Variants in C3 observed in about 807,000 individuals in gnomAD.
C3 encodes the protein complement C3, also known as C3 and PZP-like alpha-2-macroglobulin domain-containing protein 1.
Under a neutral mutation model 207.9 loss-of-function variants are expected in C3, and 97 were observed. That is an observed-to-expected ratio of 0.47 (90% CI 0.40 to 0.55). The LOEUF (loss-of-function observed/expected upper bound fraction) is 0.55, where lower values mean the gene tolerates loss of function less well. Ranked by LOEUF, C3 falls within the 20% of genes least tolerant of loss-of-function variation. The pLI is 0.00. For missense variants in C3, 1,684 were observed against 2,171.7 expected, an observed-to-expected ratio of 0.78 and a Z score of 4.46; for synonymous variants, 848 against 857.6, an observed-to-expected ratio of 0.99 and a Z score of 0.20.
chr19:6,695,577 T>A (rs1029530903), intron 23 of C3, among the ~76,000 whole-genome samples: 31 of 152,148 alleles, frequency 2.0e-4, no homozygotes, highest in Admixed American at 1.3e-3. Flanking sequence ...CCTCCCACGT[T>A]CAATCGATTA....
intron 27 of C3, among the ~76,000 whole-genome samples, chr19:6,687,860 C>CTT (rs35034584): frequency 7.1e-6 from 1 of 140,266 alleles, no homozygotes; most frequent in African/African-American, 2.6e-5. Context: ...TTTGTTGTTG[C>CTT]TTTTTTTTTT....
chr19:6,698,850 A>G (rs1381192856), intron 19 of C3, among the ~76,000 whole-genome samples: 1 of 151,992 alleles, frequency 6.6e-6, no homozygotes, highest in African/African-American at 2.4e-5. Context: ...GCTGGAGTGC[A>G]GTGGCGTGAT....
chr19:6,691,405 C>T (rs1285370624), intron 26 of C3, among the ~76,000 whole-genome samples: 2 of 151,934 alleles, frequency 1.3e-5, no homozygotes, highest in African/African-American at 4.8e-5. Flanking sequence ...AAGAGGACAT[C>T]GCAGCGATAA....
chr19:6,700,175 T>C (rs1370203989), intron 19 of C3, among the ~76,000 whole-genome samples: 1 of 140,374 alleles, frequency 7.1e-6, no homozygotes, highest in Non-Finnish European at 1.5e-5. Context: ...ATACATATTA[T>C]ATGTTTACAT....
chr19:6,683,743 A>T (rs11569545), intron 33 of C3, among the ~76,000 whole-genome samples: 1 of 151,894 alleles, frequency 6.6e-6, no homozygotes, highest in Admixed American at 6.6e-5. Context: ...GAGCCGCCAC[A>T]CCCGGCCATT....
In C3 at chr19:6,714,249, C is replaced by A; in HGVS notation, c.600-1G>T. 2 of 1,613,864 alleles carry A rather than the reference C, an allele frequency of 1.2e-6. No individual in the cohort carries two copies. The highest frequency in any genetic ancestry group is 1.7e-6 in the Non-Finnish European group (2 of 1,179,946). Reference sequence around the variant, plus strand: ...GGCTCGGATCTTCCACTGGCCCATGCTGTGAGGAGGGCGGATGAGTGGTCT... The same window carrying A: ...GGCTCGGATCTTCCACTGGCCCATGATGTGAGGAGGGCGGATGAGTGGTCT... On this transcript the variant is annotated splice_acceptor_variant, in intron 5 of 40. Transcript: ENST00000245907. LOFTEE classifies it high-confidence loss of function.
intron 36 of C3, 76 bp from the exon 37 acceptor site, chr19:6,679,572 C>A: frequency 1.0e-6 from 1 of 988,440 alleles, no homozygotes. Context: ...GCCCAGATCC[C>A]CAGTTCTCAG....
At chr19:6,697,286 A>G in intron 21 of C3, 58 bp downstream of exon 21, 1 of 1,294,792 alleles carries the variant, frequency 7.7e-7, no homozygotes, top group East Asian at 2.3e-5. Flanking sequence ...AGTCAATAGT[A>G]CGAAGACCAG....
In C3 at chr19:6,679,224, G is replaced by C. The variant is rs1414347444; in HGVS notation, c.4547-16C>G. On this transcript the variant is annotated splice_polypyrimidine_tract_variant and intron_variant, in intron 37 of 40. Coordinates refer to ENST00000245907, the MANE Select transcript of C3 (RefSeq NM_000064.4). ...AAGCAATTCTCTGCAGGGTGGGGTG[G>C]AGACAGGGTCTAAGTCCCACTCCTT... 8 of 1,609,334 alleles carry C rather than the reference G, an allele frequency of 5.0e-6. No individual in the cohort carries two copies. The African/African-American group carries it at 8.0e-5, about 16-fold the overall frequency.
chr19:6,682,437 C>CTG, intron 33 of C3: 2 of 561,384 alleles, frequency 3.6e-6, no homozygotes, highest in Non-Finnish European at 6.5e-6. Flanking sequence ...AGCTCAGACT[C>CTG]TGCACCCAAC....
At chr19:6,713,904 C>T in intron 7 of C3, 88 bp downstream of exon 7, 1 of 636,930 alleles carries the variant, frequency 1.6e-6, no homozygotes, top group Admixed American at 2.1e-5. Flanking sequence ...ATCTCCAGCC[C>T]CCCACCTGAC....
Position 6,678,275 on chromosome 19 carries a change from A to G in C3, c.4727T>C (p.Val1576Ala). 1.2e-6 allele frequency: 2 copies of G among 1,614,090 alleles called. No individual in the cohort carries two copies. Among genetic ancestry groups the G allele is most frequent in the Non-Finnish European group, 1.7e-6 (2 of 1,180,022 alleles). The change falls in exon 40 of 41, where the codon GTG becomes GCG. Residue 1576 changes from valine to alanine, a missense_variant. Physicochemically the swap from Val to Ala is moderately conservative, Grantham distance 64. Coordinates refer to ENST00000245907, the MANE Select transcript of C3 (RefSeq NM_000064.4). ...GAACGTGCGCTGCTGTCCAACCTGC[A>G]CCTCATCCGAGCCTGGAGTGGAGGG... Reference protein sequence around the residue: ...EQTIKSGSDEVQVGQQRTFIS... With the variant: ...EQTIKSGSDEAQVGQQRTFIS...
chr19:6,709,619 A>ACCC, intron 14 of C3, 65 bp downstream of exon 14: 1 of 432,318 alleles, frequency 2.3e-6, no homozygotes, highest in Non-Finnish European at 4.0e-6. Context: ...AGTCCCACCC[A>ACCC]CCTCCCCCAG....
chr19:6,716,869 C>T (rs1303900233), intron 4 of C3: 1 of 152,158 alleles, frequency 6.6e-6, no homozygotes, highest in East Asian at 1.9e-4. Flanking sequence ...TCAGAGAGAC[C>T]TCATTGTAAA....
In C3 at chr19:6,711,057, G is replaced by T; in HGVS notation, c.1409C>A (p.Thr470Asn). 2 of 1,614,176 alleles carry T rather than the reference G, an allele frequency of 1.2e-6. No individual in the cohort carries two copies. Among genetic ancestry groups the T allele is most frequent in the Non-Finnish European group, 1.7e-6 (2 of 1,180,030 alleles). The change falls in exon 12 of 41, where the codon ACC (threonine) becomes AAC (asparagine). Residue 470 changes from threonine (T) to asparagine (N), a missense_variant. By Grantham distance (65) the Thr-to-Asn change is moderately conservative. Coordinates refer to ENST00000245907, the MANE Select transcript of C3 (RefSeq NM_000064.4). ...VLRTELRPGETLNVNFLLRMD... is the reference protein window; with the variant it reads ...VLRTELRPGENLNVNFLLRMD... Reference sequence around the variant, plus strand: ...TCGCAGGAGGAAGTTGACGTTGAGGGTCTCCCCGGGTCTGAGCTCTGTACG... The same window carrying T: ...TCGCAGGAGGAAGTTGACGTTGAGGTTCTCCCCGGGTCTGAGCTCTGTACG...
Position 6,714,352 on chromosome 19 carries a change from T to A in C3, c.599A>T (p.Asn200Ile). The A allele has an allele frequency of 6.2e-7, 1 of 1,613,564 alleles. No homozygotes were observed. Among genetic ancestry groups the A allele is most frequent in the Non-Finnish European group, 8.5e-7 (1 of 1,179,760 alleles). Reference protein sequence around the residue: ...PLSWDIPELVNMGQWKIRAYY... With the variant: ...PLSWDIPELVIMGQWKIRAYY... ...CCCCCTCCTCAAGAACCTGACATACTTGACGAGTTCCGGAATGTCCCAAGA... is the reference window on the plus strand; with the variant it reads ...CCCCCTCCTCAAGAACCTGACATACATGACGAGTTCCGGAATGTCCCAAGA... The change falls in exon 5 of 41, where the codon AAC becomes ATC. Residue 200 changes from asparagine (N) to isoleucine (I), a missense_variant and splice_region_variant. Coordinates refer to ENST00000245907, the MANE Select transcript of C3 (RefSeq NM_000064.4).
At chr19:6,708,967 G>A (rs1967847755) in intron 14 of C3, among the ~76,000 whole-genome samples, 3 of 151,968 alleles carry the variant, frequency 2.0e-5, no homozygotes, top group African/African-American at 4.8e-5. Context: ...GATTCCAGAC[G>A]TGAGCCACCG....
In C3 at chr19:6,696,824, G is replaced by A. The variant is rs408004; in HGVS notation, c.2797-165C>T. Among the ~76,000 whole-genome samples, 98,217 of 149,730 alleles carry A rather than the reference G, an allele frequency of 0.66. 32,520 individuals are homozygous for A. The highest frequency in any genetic ancestry group is 0.84 in the East Asian group (4,243 of 5,066). On this transcript the variant is annotated intron_variant, in intron 21 of 40. Coordinates refer to ENST00000245907, the MANE Select transcript of C3 (RefSeq NM_000064.4). ...TGGGAGGCCGAGGTGGGTGGATCAC[G>A]AGGTCAGAAGATCGAGACCATCCTG...
At chr19:6,679,754 C>A (rs1917812651) in intron 36 of C3, among the ~76,000 whole-genome samples, 1 of 151,528 alleles carries the variant, frequency 6.6e-6, no homozygotes, top group African/African-American at 2.4e-5. Context: ...GACACGCAGG[C>A]CTCCAACCCT....
Sources: allele counts gnomAD v4.1 joint callset (sites outside exome capture counted in the v4.1 genomes callset), GRCh38; gene constraint gnomAD v4.1.1; transcripts MANE v1.5; gene names NCBI Gene and HGNC (gene_info 2026-07-23, HGNC 2026-07-21).